Variants in ZC3H18 observed in about 807,000 individuals in gnomAD.
ZC3H18 encodes the protein zinc finger CCCH domain-containing protein 18.
ZC3H18 carries 8 observed loss-of-function variants against 106.1 expected under a neutral mutation model. That is an observed-to-expected ratio of 0.08 (90% CI 0.04 to 0.14). ZC3H18 has a LOEUF of 0.14. Among genes scored for constraint, ZC3H18 ranks in the 10% least tolerant of loss-of-function variants. ZC3H18 has a pLI of 1.00. For missense variants in ZC3H18, 1,318 were observed against 1,278.4 expected, an observed-to-expected ratio of 1.03 and a Z score of -0.47; for synonymous variants, 635 against 522.1, an observed-to-expected ratio of 1.22 and a Z score of -2.95.
At chr16:88,584,308 G>A (rs1167493523) in intron 2 of ZC3H18, among the ~76,000 whole-genome samples, 1 of 151,930 alleles carries the variant, frequency 6.6e-6, no homozygotes, top group Non-Finnish European at 1.5e-5. Flanking sequence ...TGTAATCCCA[G>A]CTACTCAGGA....
intron 8 of ZC3H18, among the ~76,000 whole-genome samples, chr16:88,620,632 T>C (rs1905899570): frequency 6.6e-6 from 1 of 151,218 alleles, no homozygotes; most frequent in Admixed American, 6.6e-5. Flanking sequence ...TGCCAGGATT[T>C]TGGGTTAGTT....
At position 88,599,968 on chromosome 16, in the gene ZC3H18, G is replaced by A. The variant is rs752926253; in HGVS notation, c.1088+20G>A. ...CACAGTGTAAGGAATGGCCCTGCCTGCCCCTCCGTTTCCTTCCTGCATGCG... is the reference window on the plus strand; with the variant it reads ...CACAGTGTAAGGAATGGCCCTGCCTACCCCTCCGTTTCCTTCCTGCATGCG... On this transcript the variant is annotated intron_variant, in intron 6 of 17. Coordinates refer to ENST00000301011, the MANE Select transcript of ZC3H18 (RefSeq NM_144604.4). 8.7e-6 allele frequency: 14 copies of A among 1,611,928 alleles called. No homozygotes were observed. The highest frequency in any genetic ancestry group is 1.7e-5 in the Admixed American group (1 of 59,758).
chr16:88,594,416 C>T (rs1904328971), intron 3 of ZC3H18, among the ~76,000 whole-genome samples: 1 of 152,116 alleles, frequency 6.6e-6, no homozygotes, highest in Non-Finnish European at 1.5e-5. Flanking sequence ...TCAGAAGAGA[C>T]ATTTAAAGAT....
intron 8 of ZC3H18, among the ~76,000 whole-genome samples, chr16:88,617,011 G>T (rs1286228404): frequency 2.0e-5 from 3 of 152,188 alleles, no homozygotes; most frequent in Non-Finnish European, 4.4e-5. Context: ...GTCGGCCACT[G>T]TTTGGGTGCC....
At chr16:88,624,875 G>A in intron 12 of ZC3H18, 130 bp downstream of exon 12, 1 of 1,341,406 alleles carries the variant, frequency 7.5e-7, no homozygotes, top group Non-Finnish European at 9.9e-7. Context: ...TAGCCGAGCA[G>A]CACCCAGTGA....
intron 8 of ZC3H18, among the ~76,000 whole-genome samples, chr16:88,616,715 A>C (rs781007010): frequency 2.6e-5 from 4 of 152,090 alleles, no homozygotes; most frequent in Non-Finnish European, 4.4e-5. Context: ...CATTAGGTGG[A>C]TAGAAAGAAC....
chr16:88,624,261 C>G, intron 11 of ZC3H18, 199 bp downstream of exon 11: 1 of 748,684 alleles, frequency 1.3e-6, no homozygotes, highest in Non-Finnish European at 2.1e-6. Context: ...CACAGCAGCA[C>G]TCCCTCGGGA....
intron 3 of ZC3H18, among the ~76,000 whole-genome samples, chr16:88,595,411 G>A (rs1904377880): frequency 6.6e-6 from 1 of 150,656 alleles, no homozygotes; most frequent in Non-Finnish European, 1.5e-5. Context: ...TGGGTTTGAA[G>A]TCCCATTTGT....
chr16:88,593,052 C>T (rs1454114072), intron 3 of ZC3H18, among the ~76,000 whole-genome samples: 1 of 152,126 alleles, frequency 6.6e-6, no homozygotes, highest in African/African-American at 2.4e-5. Context: ...ACAACAATAG[C>T]CAATCATAAA....
At chr16:88,610,478 G>C (rs962996643) in intron 7 of ZC3H18, among the ~76,000 whole-genome samples, 25 of 152,158 alleles carry the variant, frequency 1.6e-4, no homozygotes, top group Non-Finnish European at 3.5e-4. Context: ...CCCTGGGCAG[G>C]GTACCCTGGA....
rs931788310 is a variant in ZC3H18, at chr16:88,625,411, T to C, written c.2108+144T>C. The C allele has an allele frequency of 1.2e-5, 12 of 986,844 alleles. No homozygotes were observed. The African/African-American group carries it at 1.8e-4, about 15-fold the overall frequency. The allele number at this position is 986,844 out of a possible 1,614,324, so 61.1% of individuals were successfully genotyped here. A position where few individuals can be genotyped will look rare whatever the true frequency, so the allele number is the denominator to read the frequency against. ...GAGTCACCCTGGGGCTGTGGAAGGC[T>C]GCGGTTGAAGCTTTGACACAGGAGA... On this transcript the variant is annotated intron_variant, in intron 13 of 17. Coordinates refer to ENST00000301011, the MANE Select transcript of ZC3H18 (RefSeq NM_144604.4).
Position 88,598,274 on chromosome 16 carries a change from C to CTAA in ZC3H18, c.787_789dup (p.Asn263dup). 1 of 1,612,930 alleles carries CTAA rather than the reference C, an allele frequency of 6.2e-7. No individual in the cohort carries two copies. The highest frequency in any genetic ancestry group is 1.1e-5 in the South Asian group (1 of 90,988). On this transcript the variant is annotated inframe_insertion, in exon 4 of 18. Coordinates refer to ENST00000301011, the MANE Select transcript of ZC3H18 (RefSeq NM_144604.4). ...ATCACCAAAGCCGACCCCTTCCCGC[C>CTAA]TAATGGTGCCCCGCCTCTCGGACCT...
intron 2 of ZC3H18, among the ~76,000 whole-genome samples, chr16:88,578,535 G>GTTT (rs11371124): frequency 3.4e-5 from 5 of 148,976 alleles, no homozygotes; most frequent in Non-Finnish European, 6.0e-5. Flanking sequence ...GGTTTTTGTT[G>GTTT]TTTTTTTTTT....
At chr16:88,583,119 C>T (rs1158033936) in intron 2 of ZC3H18, among the ~76,000 whole-genome samples, 1 of 152,262 alleles carries the variant, frequency 6.6e-6, no homozygotes, top group Non-Finnish European at 1.5e-5. Context: ...TCTGGCACAG[C>T]AGCTCCACGC....
Position 88,581,331 on chromosome 16 carries a change from G to A in ZC3H18, c.603+3605G>A, listed in dbSNP as rs114174341. 5.4e-3 allele frequency among the ~76,000 whole-genome samples: 820 copies of A among 152,262 alleles called. 9 individuals are homozygous for A. Among genetic ancestry groups the A allele is most frequent in the African/African-American group, 0.019 (769 of 41,548 alleles). On this transcript the variant is annotated intron_variant, in intron 2 of 17. Transcript: ENST00000301011. ...CAGAAGCGCTTTCTCTTCTCTCAGG[G>A]CACATGTCCCTTTTAGATTTTGGGT...
chr16:88,626,658 G>A (rs1203441414), intron 13 of ZC3H18: 2 of 151,260 alleles, frequency 1.3e-5, no homozygotes, highest in African/African-American at 4.9e-5. Context: ...TGGCCTAAAT[G>A]TTTCTTAATA....
rs887848108 is a variant in ZC3H18 at position 88,631,321 on chromosome 16, A to T, written c.*22A>T. On this transcript the variant is annotated 3_prime_UTR_variant, in exon 18 of 18. Transcript: ENST00000301011. The stretch of plus-strand genomic sequence containing the variant: ...ATAGGCCGTGCCCCGACCGGACTGG[A>T]CGCATTTTTATACATAGGGTAAGCG... The T allele has an allele frequency of 1.9e-6, 3 of 1,556,260 alleles. No homozygotes were observed. In the African/African-American group the frequency reaches 4.1e-5, roughly 21 times the overall value.
intron 3 of ZC3H18, among the ~76,000 whole-genome samples, chr16:88,588,899 G>T (rs920222924): frequency 1.3e-5 from 2 of 151,682 alleles, no homozygotes; most frequent in Non-Finnish European, 2.9e-5. Flanking sequence ...AAAAAAAAAA[G>T]TCAGAAGCTA....
intron 2 of ZC3H18, 63 bp from the exon 3 acceptor site, chr16:88,586,537 T>C: frequency 7.3e-7 from 1 of 1,366,264 alleles, no homozygotes; most frequent in Non-Finnish European, 1.0e-6. Flanking sequence ...CCTTCTGGTT[T>C]GGAGAAAGCA....
Sources: gnomAD v4.1 joint callset for allele counts (sites outside exome capture counted in the v4.1 genomes callset) on GRCh38, gnomAD v4.1.1 for gene constraint, MANE v1.5 for transcripts, NCBI Gene and HGNC (gene_info 2026-07-23, HGNC 2026-07-21) for gene names.